EPHB1: variants seen among roughly 807,000 people sequenced by gnomAD.
EPHB1 encodes ephrin type-B receptor 1.
A neutral mutation model predicts 94.4 loss-of-function variants in EPHB1; 30 were observed. The ratio of observed to expected loss-of-function variants is 0.32; its 90% CI spans 0.24 to 0.43. EPHB1 has a LOEUF of 0.43. Among genes scored for constraint, EPHB1 ranks in the 20% least tolerant of loss-of-function variants. EPHB1 has a pLI of 1.00. For missense variants in EPHB1, 1,055 were observed against 1,308.3 expected (o/e 0.81, Z 2.99); for synonymous variants, 522 against 489.1 (o/e 1.07, Z -0.89).
At chr3:135,223,366 T>C (rs1049621446) in intron 12 of EPHB1, among the ~76,000 whole-genome samples, 1 of 152,214 alleles carries the variant, frequency 6.6e-6, no homozygotes, top group African/African-American at 2.4e-5. Flanking sequence ...ATTTTAGATA[T>C]TATGCTTTTA....
Position 134,912,912 on chromosome 3 carries a change from C to T in EPHB1, c.59-12904C>T, listed in dbSNP as rs142157501. Among the ~76,000 whole-genome samples the T allele has an allele frequency of 6.6e-3, 1,003 of 152,268 alleles. 9 individuals carry two copies. The highest frequency in any genetic ancestry group is 0.01 in the Non-Finnish European group (683 of 68,028). On this transcript the variant is annotated intron_variant, in intron 1 of 15. Transcript: ENST00000398015. ...ATGTGGGCATGAAAGGGTATCTGGC[C>T]ATCTTTTAGGATTTGGGGGAATCTG...
intron 5 of EPHB1, among the ~76,000 whole-genome samples, chr3:135,147,527 C>T (rs1034810715): frequency 6.6e-6 from 1 of 152,186 alleles, no homozygotes; most frequent in Non-Finnish European, 1.5e-5. Context: ...AAAGTGGTTA[C>T]CAAGCCTTAG....
intron 3 of EPHB1, among the ~76,000 whole-genome samples, chr3:134,982,889 C>T (rs1403859733): frequency 1.6e-4 from 24 of 151,974 alleles, no homozygotes; most frequent in Admixed American, 2.0e-4. Context: ...TGGTTTACAT[C>T]GGGGATCAAC....
chr3:134,992,167 CG>C (rs757192805), intron 3 of EPHB1, among the ~76,000 whole-genome samples: 1 of 152,096 alleles, frequency 6.6e-6, no homozygotes. Context: ...AAAGACAACA[CG>C]GGGGGCCAGG....
intron 3 of EPHB1, among the ~76,000 whole-genome samples, chr3:135,084,030 C>T (rs2107788243): frequency 6.6e-6 from 1 of 152,252 alleles, no homozygotes; most frequent in Middle Eastern, 3.4e-3. Flanking sequence ...AGTTGGCTCT[C>T]CCTCTGCCTG....
At chr3:134,817,598 C>A (rs1168520851) in intron 1 of EPHB1, among the ~76,000 whole-genome samples, 1 of 152,234 alleles carries the variant, frequency 6.6e-6, no homozygotes, top group Non-Finnish European at 1.5e-5. Flanking sequence ...CCTTGGAAAG[C>A]CACCTAATCT....
chr3:134,938,276 A>G (rs1412497973), intron 2 of EPHB1, among the ~76,000 whole-genome samples: 1 of 152,140 alleles, frequency 6.6e-6, no homozygotes, highest in Non-Finnish European at 1.5e-5. Context: ...TGGAGGTTAC[A>G]GTGCCCCAGG....
intron 1 of EPHB1, among the ~76,000 whole-genome samples, chr3:134,810,399 A>G (rs1012364794): frequency 6.6e-6 from 1 of 151,930 alleles, no homozygotes; most frequent in African/African-American, 2.4e-5. Context: ...CTGCTTCTTT[A>G]ACAGCACCAG....
At chr3:134,884,037 T>C (rs2037813649) in intron 1 of EPHB1, among the ~76,000 whole-genome samples, 1 of 152,192 alleles carries the variant, frequency 6.6e-6, no homozygotes, top group African/African-American at 2.4e-5. Flanking sequence ...AGCGGGATGG[T>C]ATTTGAACCC....
At chr3:135,176,293 T>A (rs1941976227) in intron 9 of EPHB1, among the ~76,000 whole-genome samples, 1 of 152,202 alleles carries the variant, frequency 6.6e-6, no homozygotes, top group South Asian at 2.1e-4. Flanking sequence ...TTTGAGCCAT[T>A]TGTTAGACCA....
intron 12 of EPHB1, among the ~76,000 whole-genome samples, chr3:135,224,299 G>T (rs1377979782): frequency 6.6e-6 from 1 of 152,136 alleles, no homozygotes; most frequent in Non-Finnish European, 1.5e-5. Flanking sequence ...ACATTGACTT[G>T]TTTAAGAATA....
chr3:135,075,946 G>C (rs1196872821), intron 3 of EPHB1, among the ~76,000 whole-genome samples: 3 of 152,116 alleles, frequency 2.0e-5, no homozygotes, highest in African/African-American at 7.2e-5. Context: ...TCACATCAGT[G>C]GTTGGAAACC....
rs368814356 is a variant in EPHB1 at position 135,233,284 on chromosome 3, T to A, written c.2347-7864T>A. Among the ~76,000 whole-genome samples, 39 of 152,304 alleles carry A rather than the reference T, an allele frequency of 2.6e-4. No homozygotes were observed. The South Asian group carries it at 5.2e-3, about 20-fold the overall frequency. Reference sequence around the variant, plus strand: ...ACAGGCATTGGGTAAATACACCCATTCCAAAGGGAAGAAATGGGCCAAACA... The same window carrying A: ...ACAGGCATTGGGTAAATACACCCATACCAAAGGGAAGAAATGGGCCAAACA... On this transcript the variant is annotated intron_variant, in intron 12 of 15. Transcript: ENST00000398015.
intron 1 of EPHB1, among the ~76,000 whole-genome samples, chr3:134,826,861 G>A (rs1174449600): frequency 6.6e-6 from 1 of 152,138 alleles, no homozygotes; most frequent in African/African-American, 2.4e-5. Flanking sequence ...TGGTGAGCAG[G>A]GCACACAGTG....
At chr3:135,137,167 C>T (rs1029694312) in intron 5 of EPHB1, among the ~76,000 whole-genome samples, 3 of 152,066 alleles carry the variant, frequency 2.0e-5, no homozygotes, top group African/African-American at 7.2e-5. Flanking sequence ...ACCATCTAAG[C>T]CAGAGAACAA....
intron 1 of EPHB1, among the ~76,000 whole-genome samples, chr3:134,913,528 C>G (rs1404092456): frequency 3.9e-5 from 6 of 152,194 alleles, no homozygotes; most frequent in African/African-American, 7.2e-5. Context: ...TTTCTCACCC[C>G]CTTCCCAAGT....
At chr3:134,869,745 A>G (rs1489955033) in intron 1 of EPHB1, among the ~76,000 whole-genome samples, 1 of 75,128 alleles carries the variant, frequency 1.3e-5, no homozygotes, top group Non-Finnish European at 2.5e-5. Context: ...AAGTGATAGC[A>G]GTTTTTTTTT....
intron 2 of EPHB1, among the ~76,000 whole-genome samples, chr3:134,941,752 G>GACACACACACACACACACAC (rs3067391): frequency 8.9e-5 from 12 of 134,798 alleles, no homozygotes; most frequent in African/African-American, 3.1e-4. Context: ...TATGCACACA[G>GACACACACACACACACACAC]ACACACACAC....
intron 9 of EPHB1, among the ~76,000 whole-genome samples, chr3:135,178,220 GGGGA>G (rs1942041823): frequency 8.5e-6 from 1 of 116,978 alleles, no homozygotes; most frequent in African/African-American, 3.3e-5. Context: ...TTGGGAGGCC[GGGGA>G]GGGGGGGTGG....
Sources: gnomAD v4.1 joint callset for allele counts (sites outside exome capture counted in the v4.1 genomes callset) on GRCh38, gnomAD v4.1.1 for gene constraint, MANE v1.5 for transcripts, NCBI Gene and HGNC (gene_info 2026-07-23, HGNC 2026-07-21) for gene names.